Variants in HPF1 observed in about 807,000 individuals in gnomAD.
HPF1 encodes the protein histone PARylation factor 1, also known as UPF0609 protein C4orf27.
Under a neutral mutation model 38.8 loss-of-function variants are expected in HPF1, and 35 were observed. That is an observed-to-expected ratio of 0.90 (90% CI 0.69 to 1.19). The LOEUF is 1.19. Among genes scored for constraint, HPF1 ranks in the 50% most tolerant of loss-of-function variants. The probability of loss-of-function intolerance (pLI) is 0.00; values close to 1 mark genes in which losing one functional copy is unlikely to be tolerated. For missense variants in HPF1, 367 were observed against 405.8 expected, an observed-to-expected ratio of 0.90 and a Z score of 0.82; for synonymous variants, 115 against 139.2, an observed-to-expected ratio of 0.83 and a Z score of 1.22.
rs533542571 is a variant in HPF1 at position 169,731,736 on chromosome 4, A to G, written c.877T>C (p.Leu293=). Residue 293 remains leucine, a synonymous_variant, in exon 7 of 8, where the codon TTG becomes CTG. Transcript: ENST00000393381. ...DECDYGMGLE[L]GMDLFCYGSH... ...CCATAGCAAAAGAGATCCATTCCCA[A>G]TTCAAGCCCCATGCCATAATCACAT... 107 of 1,576,550 alleles carry G rather than the reference A, an allele frequency of 6.8e-5. No individual in the cohort carries two copies. Among genetic ancestry groups the G allele is most frequent in the South Asian group, 4.5e-4 (38 of 84,144 alleles).
chr4:169,742,687 G>A (rs1215814033), intron 4 of HPF1, among the ~76,000 whole-genome samples: 1 of 152,210 alleles, frequency 6.6e-6, no homozygotes, highest in Admixed American at 6.5e-5. Context: ...AGCTACTTGG[G>A]AGGCTGAGGC....
At chr4:169,736,359 C>A (rs969901221) in intron 6 of HPF1, among the ~76,000 whole-genome samples, 3,620 of 102,542 alleles carry the variant, frequency 0.035, no homozygotes, top group Non-Finnish European at 0.037. Flanking sequence ...GACCCTGTCA[C>A]AAAAAAAAAA....
intron 3 of HPF1, 188 bp downstream of exon 3, chr4:169,750,348 G>T: frequency 1.5e-5 from 6 of 400,996 alleles, no homozygotes; most frequent in Admixed American, 4.3e-5. Flanking sequence ...AAACAAGTGA[G>T]ATTAAACCTA....
chr4:169,742,518 C>T (rs576708226), intron 4 of HPF1, among the ~76,000 whole-genome samples: 28 of 152,250 alleles, frequency 1.8e-4, no homozygotes, highest in Middle Eastern at 3.4e-3. Context: ...TCAGGCAAGG[C>T]GCAGTGGCTC....
chr4:169,735,860 G>A (rs570686796), intron 6 of HPF1, among the ~76,000 whole-genome samples: 2 of 144,138 alleles, frequency 1.4e-5, no homozygotes, highest in South Asian at 2.2e-4. Flanking sequence ...CTGTCTAAGA[G>A]AAATACAGTG....
At chr4:169,755,248 A>G (rs1408377711) in intron 1 of HPF1, among the ~76,000 whole-genome samples, 1 of 152,220 alleles carries the variant, frequency 6.6e-6, no homozygotes, top group Non-Finnish European at 1.5e-5. Flanking sequence ...TAAGGTTTTC[A>G]AACAATAGAC....
chr4:169,742,315 G>T (rs1733980074), intron 4 of HPF1, among the ~76,000 whole-genome samples: 1 of 152,174 alleles, frequency 6.6e-6, no homozygotes, highest in Non-Finnish European at 1.5e-5. Flanking sequence ...CAGAGAAAGA[G>T]CAAATACGAT....
At chr4:169,734,081 G>T (rs959820573) in intron 6 of HPF1, among the ~76,000 whole-genome samples, 5 of 152,170 alleles carry the variant, frequency 3.3e-5, no homozygotes, top group Non-Finnish European at 7.3e-5. Flanking sequence ...CGCATTGAAC[G>T]AATGGCAAAC....
At chr4:169,732,624 T>A (rs1273099735) in intron 6 of HPF1, among the ~76,000 whole-genome samples, 1 of 152,192 alleles carries the variant, frequency 6.6e-6, no homozygotes, top group Non-Finnish European at 1.5e-5. Context: ...AACAAGAATG[T>A]GATAGATTAT....
At chr4:169,733,894 C>CA (rs35974645) in intron 6 of HPF1, among the ~76,000 whole-genome samples, 12,166 of 122,226 alleles carry the variant, frequency 0.1, 1,448 homozygotes, top group African/African-American at 0.31. Flanking sequence ...GACCCTGTCT[C>CA]AAAAAAAAAA....
intron 6 of HPF1, among the ~76,000 whole-genome samples, chr4:169,733,956 T>C (rs1016612165): frequency 2.4e-4 from 37 of 152,116 alleles, no homozygotes; most frequent in African/African-American, 8.4e-4. Context: ...ACTAGTGCTT[T>C]TAACCCCAGT....
At chr4:169,757,192 C>T (rs1441801933) in intron 1 of HPF1, among the ~76,000 whole-genome samples, 4 of 152,064 alleles carry the variant, frequency 2.6e-5, no homozygotes, top group Admixed American at 2.0e-4. Context: ...TGATCAGGTC[C>T]CTCTTATTTT....
chr4:169,753,035 T>TTG (rs1018034927), intron 2 of HPF1, among the ~76,000 whole-genome samples: 1 of 145,000 alleles, frequency 6.9e-6, no homozygotes, highest in Non-Finnish European at 1.5e-5. Flanking sequence ...TAGGTTTTTT[T>TTG]TTTTTTTTTT....
intron 5 of HPF1, among the ~76,000 whole-genome samples, chr4:169,741,711 TTA>T (rs1369275301): frequency 6.6e-6 from 1 of 152,072 alleles, no homozygotes; most frequent in African/African-American, 2.4e-5. Context: ...CTGGCATGAG[TTA>T]TTCAACCACA....
In HPF1 at chr4:169,729,685, G is replaced by C. The variant is rs557638387; in HGVS notation, c.934C>G (p.Leu312Val). The C allele has an allele frequency of 2.1e-5, 32 of 1,542,318 alleles. No individual in the cohort carries two copies. In the African/African-American group the frequency reaches 4.1e-4, roughly 20 times the overall value. ...AACAGATTATATGCAAGAGGTAAAA[G>C]CTGGCCAGCAACTTTATGAAAATAC... ...SHYFHKVAGQLLPLAYNLLKR... is the reference protein window; with the variant it reads ...SHYFHKVAGQVLPLAYNLLKR... The change falls in exon 8 of 8, where the codon CTT becomes GTT. Residue 312 changes from leucine to valine, a missense_variant. Physicochemically the swap from Leu to Val is conservative, Grantham distance 32. Coordinates refer to ENST00000393381, the MANE Select transcript of HPF1 (RefSeq NM_017867.3).
chr4:169,752,103 C>CT (rs1734126859), intron 2 of HPF1, among the ~76,000 whole-genome samples: 3 of 146,850 alleles, frequency 2.0e-5, no homozygotes, highest in Admixed American at 2.0e-4. Flanking sequence ...TTTACTATTT[C>CT]TTTTTTCTGT....
In HPF1 at chr4:169,729,559, CCAAT is replaced by C. The variant is rs1330922202; in HGVS notation, c.*15_*18del. 1 of 1,488,736 alleles carries C rather than the reference CCAAT, an allele frequency of 6.7e-7. No homozygotes were observed. The highest frequency in any genetic ancestry group is 8.9e-7 in the Non-Finnish European group (1 of 1,117,808). 92.2% of individuals were successfully genotyped at this position (1,488,736 alleles called of 1,614,324 possible). ...TACTAGTCCTTTGAAATACTGTACACCAATCAAAGCCACCTTACTCATGCAGCAA... is the reference window on the plus strand; with the variant it reads ...TACTAGTCCTTTGAAATACTGTACACCAAAGCCACCTTACTCATGCAGCAA... On this transcript the variant is annotated 3_prime_UTR_variant, in exon 8 of 8. Transcript: ENST00000393381.
intron 4 of HPF1, among the ~76,000 whole-genome samples, chr4:169,748,433 C>A (rs141700611): frequency 0.014 from 2,114 of 151,924 alleles, 46 homozygotes; most frequent in African/African-American, 0.047. Context: ...TGCAGTGGCG[C>A]AATCTCGGCT....
chr4:169,743,977 C>A (rs1302263662), intron 4 of HPF1, among the ~76,000 whole-genome samples: 6 of 152,076 alleles, frequency 3.9e-5, no homozygotes, highest in South Asian at 2.1e-4. Flanking sequence ...GATTAAAATG[C>A]CACAGAAACC....
Sources: gnomAD v4.1 joint callset for allele counts (sites outside exome capture counted in the v4.1 genomes callset) on GRCh38, gnomAD v4.1.1 for gene constraint, MANE v1.5 for transcripts, NCBI Gene and HGNC (gene_info 2026-07-23, HGNC 2026-07-21) for gene names.